The following RHOBTB2 variants were observed in gnomAD, a reference collection of about 807,000 sequenced individuals.
RHOBTB2 encodes the protein rho-related BTB domain-containing protein 2.
RHOBTB2 carries 39 observed loss-of-function variants against 66.5 expected under a neutral mutation model. The observed-to-expected ratio is 0.59, with a 90% CI of 0.45 to 0.77. RHOBTB2 has a LOEUF of 0.77. Among genes scored for constraint, RHOBTB2 ranks in the 30% least tolerant of loss-of-function variants. RHOBTB2 has a pLI of 0.00. For synonymous variants in RHOBTB2, 390 were observed against 395.0 expected (o/e 0.99, Z 0.15); for missense variants, 755 against 999.1 (o/e 0.76, Z 3.29).
chr8:22,993,580 G>A (rs1045881011), intron 2 of RHOBTB2, among the ~76,000 whole-genome samples: 1 of 152,194 alleles, frequency 6.6e-6, no homozygotes, highest in African/African-American at 2.4e-5. Flanking sequence ...CTCCCCAAAG[G>A]GAGACCAGAG....
intron 5 of RHOBTB2, 103 bp downstream of exon 5, chr8:23,007,849 T>A: frequency 6.6e-7 from 1 of 1,521,248 alleles, no homozygotes; most frequent in Non-Finnish European, 9.0e-7. Context: ...TGCCATGCTC[T>A]TGAAGCCTGG....
intron 7 of RHOBTB2, among the ~76,000 whole-genome samples, chr8:23,010,944 A>G (rs1585194724): frequency 1.3e-5 from 2 of 152,186 alleles, no homozygotes; most frequent in Non-Finnish European, 2.9e-5. Context: ...AAAATGGAAC[A>G]TGAGGCTGGG....
At chr8:22,965,299 A>C in the RHOBTB2 span, among the ~76,000 whole-genome samples, 1,373 of 152,336 alleles carry the variant, frequency 9.0e-3, 16 homozygotes, top group Middle Eastern at 0.044. Context: ...TCTAAGTGGA[A>C]AGACATCTTT....
Position 23,007,695 on chromosome 8 carries a change from G to A in RHOBTB2, c.1450G>A (p.Val484Ile), listed in dbSNP as rs777766985. 10 of 1,614,056 alleles carry A rather than the reference G, an allele frequency of 6.2e-6. No homozygotes were observed. The highest frequency in any genetic ancestry group is 1.3e-5 in the African/African-American group (1 of 74,926). Residue 484 changes from valine (V) to isoleucine (I), a missense_variant, in exon 5 of 10, where the codon GTC (valine) becomes ATC (isoleucine). Physicochemically the swap from Val to Ile is conservative, Grantham distance 29. Around this residue, in one of 7 missense-constraint regions of RHOBTB2, gnomAD observed 353 missense variants for 458.2 expected, o/e 0.77. Transcript: ENST00000251822. ...CCAGGAGATCACCAAGGCCTTCCACGTCCGCCGGACCAACCGGGTTAAGGA... is the reference window on the plus strand; with the variant it reads ...CCAGGAGATCACCAAGGCCTTCCACATCCGCCGGACCAACCGGGTTAAGGA... Reference protein sequence around the residue: ...MNQEITKAFHVRRTNRVKECL... With the variant: ...MNQEITKAFHIRRTNRVKECL...
At chr8:23,011,443 A>G (rs570582256) in intron 7 of RHOBTB2, among the ~76,000 whole-genome samples, 2 of 151,934 alleles carry the variant, frequency 1.3e-5, no homozygotes, top group African/African-American at 4.8e-5. Flanking sequence ...TACCTTTGAC[A>G]TCACCTTCTC....
upstream of RHOBTB2, among the ~76,000 whole-genome samples, chr8:22,987,176 T>C (rs559945415): frequency 1.2e-4 from 19 of 152,230 alleles, no homozygotes; most frequent in South Asian, 3.9e-3. Context: ...GCCAGGACAA[T>C]AAGAGCAGGA....
the RHOBTB2 span, among the ~76,000 whole-genome samples, chr8:22,953,439 GA>G: frequency 1.4e-5 from 2 of 144,960 alleles, no homozygotes; most frequent in African/African-American, 2.5e-5. Context: ...GTTGGGGTGG[GA>G]GGGACCCTCT....
At chr8:22,981,312 T>G in the RHOBTB2 span, among the ~76,000 whole-genome samples, 1 of 152,178 alleles carries the variant, frequency 6.6e-6, no homozygotes, top group East Asian at 1.9e-4. Context: ...GTGGTGACAA[T>G]CATTTTTAAA....
At chr8:23,005,902 A>T in intron 3 of RHOBTB2, 58 bp from the exon 4 acceptor site, 1 of 1,535,428 alleles carries the variant, frequency 6.5e-7, no homozygotes, top group Non-Finnish European at 8.9e-7. Flanking sequence ...CAGATGTTCC[A>T]GGACCAGGTA....
intron 2 of RHOBTB2, among the ~76,000 whole-genome samples, chr8:22,993,470 C>T: frequency 6.6e-6 from 1 of 152,102 alleles, no homozygotes; most frequent in African/African-American, 2.4e-5. Context: ...TGAGGGGGAG[C>T]AGGCACAAGT....
chr8:22,980,500 A>C, the RHOBTB2 span, among the ~76,000 whole-genome samples: 1 of 152,174 alleles, frequency 6.6e-6, no homozygotes, highest in African/African-American at 2.4e-5. Flanking sequence ...AATCCTTCAG[A>C]TTTTACGTAT....
At chr8:22,979,746 T>C in the RHOBTB2 span, among the ~76,000 whole-genome samples, 5 of 119,314 alleles carry the variant, frequency 4.2e-5, no homozygotes, top group East Asian at 5.3e-4. Context: ...TTCTTTCTTT[T>C]TTTTTTTTTT....
intron 7 of RHOBTB2, among the ~76,000 whole-genome samples, chr8:23,013,563 T>G (rs1811207008): frequency 6.6e-6 from 1 of 151,980 alleles, no homozygotes; most frequent in Non-Finnish European, 1.5e-5. Flanking sequence ...TGATGTGATC[T>G]CGGCTCACTG....
intron 8 of RHOBTB2, 149 bp downstream of exon 8, chr8:23,014,927 C>T: frequency 1.5e-6 from 1 of 678,372 alleles, no homozygotes; most frequent in Non-Finnish European, 2.6e-6. Flanking sequence ...CCATCTCCTC[C>T]TCCATGCCAG....
chr8:22,999,872 C>A lies in RHOBTB2; in HGVS notation c.-244C>A. ...GCTGATCCGGAAGGGGCAGCGGCTG[C>A]AGTGCAGCGCGCGCGTCCGCTCCTG... On this transcript the variant is annotated 5_prime_UTR_variant, in exon 1 of 10. Transcript: ENST00000251822. 1.0e-6 allele frequency: 1 copy of A among 985,016 alleles called. No individual in the cohort carries two copies. Among genetic ancestry groups the A allele is most frequent in the Non-Finnish European group, 1.2e-6 (1 of 829,814 alleles). 61.0% of individuals were successfully genotyped at this position (985,016 alleles called of 1,614,324 possible).
intron 1 of RHOBTB2, among the ~76,000 whole-genome samples, chr8:23,000,595 G>A (rs556662781): frequency 6.6e-6 from 1 of 152,274 alleles, no homozygotes; most frequent in South Asian, 2.1e-4. Context: ...CACATTTTAG[G>A]TTTGAGGGGG....
chr8:23,000,519 G>A (rs1298782344), intron 1 of RHOBTB2, among the ~76,000 whole-genome samples: 1 of 152,172 alleles, frequency 6.6e-6, no homozygotes, highest in Admixed American at 6.5e-5. Flanking sequence ...CAACTCCATT[G>A]CAGTCTATGT....
At chr8:22,955,724 C>G in the RHOBTB2 span, among the ~76,000 whole-genome samples, 23 of 152,136 alleles carry the variant, frequency 1.5e-4, no homozygotes, top group South Asian at 2.3e-3. Context: ...TGTGCACCAC[C>G]ATGACCAACT....
chr8:23,010,741 C>A (rs2241259), intron 7 of RHOBTB2, 53 bp downstream of exon 7: 16 of 1,591,890 alleles, frequency 1.0e-5, no homozygotes, highest in Middle Eastern at 1.8e-4. Context: ...CAGGGAAACC[C>A]CAAGGTGCAA....
Sources: allele counts gnomAD v4.1 joint callset (sites outside exome capture counted in the v4.1 genomes callset), GRCh38; gene constraint gnomAD v4.1.1; regional missense constraint gnomAD v4.1.1; transcripts MANE v1.5; gene names NCBI Gene and HGNC (gene_info 2026-07-23, HGNC 2026-07-21).